The following HBS1L variants were observed in gnomAD, a reference collection of about 807,000 sequenced individuals.
HBS1L encodes the protein HBS1 like translational GTPase, also known as HBS1-like protein.
HBS1L carries 55 observed loss-of-function variants against 88.9 expected under a neutral mutation model. The observed-to-expected ratio is 0.62, with a 90% CI of 0.50 to 0.77. The LOEUF is 0.77. Ranked by LOEUF, HBS1L falls within the 30% of genes least tolerant of loss-of-function variation. The pLI, the probability that HBS1L is intolerant of heterozygous loss-of-function variation, is 0.00. For synonymous variants in HBS1L, 267 were observed against 288.5 expected (o/e 0.93, Z 0.76); for missense variants, 741 against 829.3 (o/e 0.89, Z 1.31).
chr6:135,042,718 C>G (rs906098112), intron 2 of HBS1L, among the ~76,000 whole-genome samples: 2 of 150,916 alleles, frequency 1.3e-5, no homozygotes, highest in African/African-American at 4.9e-5. Context: ...CTGAGGCAGG[C>G]AGGGGAACCG....
intron 4 of HBS1L, among the ~76,000 whole-genome samples, chr6:135,029,720 G>C (rs1341571216): frequency 6.6e-6 from 1 of 151,954 alleles, no homozygotes; most frequent in African/African-American, 2.4e-5. Flanking sequence ...ATAACAACTG[G>C]AACACTTAAA....
chr6:135,035,866 A>C, intron 4 of HBS1L: 1 of 766,726 alleles, frequency 1.3e-6, no homozygotes, highest in Non-Finnish European at 1.6e-6. Flanking sequence ...ACTTGAAAAC[A>C]CTTTTTATAT....
chr6:135,045,039 A>C (rs936048839), intron 2 of HBS1L, among the ~76,000 whole-genome samples: 1 of 151,838 alleles, frequency 6.6e-6, no homozygotes, highest in African/African-American at 2.4e-5. Context: ...TGGAAGTAGT[A>C]ATGGTTGGAT....
intron 4 of HBS1L, among the ~76,000 whole-genome samples, chr6:135,019,818 C>A (rs745832239): frequency 6.6e-6 from 1 of 151,704 alleles, no homozygotes; most frequent in Non-Finnish European, 1.5e-5. Flanking sequence ...AGTAATGGCA[C>A]CAATATCCAG....
At chr6:135,037,028 T>C in intron 4 of HBS1L, 3 of 1,551,610 alleles carry the variant, frequency 1.9e-6, no homozygotes, top group Non-Finnish European at 2.6e-6. Flanking sequence ...TCAGATAAAC[T>C]GACCTCAAAG....
intron 15 of HBS1L, among the ~76,000 whole-genome samples, chr6:134,975,914 C>T (rs1391547661): frequency 6.6e-6 from 1 of 151,982 alleles, no homozygotes; most frequent in Non-Finnish European, 1.5e-5. Context: ...ATAGATAAGA[C>T]CTAATTAAGC....
chr6:135,054,219 T>C (rs1045449444), intron 1 of HBS1L, among the ~76,000 whole-genome samples: 1 of 152,262 alleles, frequency 6.6e-6, no homozygotes. Context: ...ACACGTCCGT[T>C]GAATGTATTA....
At chr6:135,050,471 T>G (rs967049215) in intron 2 of HBS1L, 111 bp downstream of exon 2, 2 of 618,292 alleles carry the variant, frequency 3.2e-6, no homozygotes, top group Non-Finnish European at 5.6e-6. Flanking sequence ...TATAATTAAC[T>G]TTTTAAATGT....
In HBS1L at chr6:134,961,509, G is replaced by C. The variant is rs1354821444; in HGVS notation, c.*3770C>G. On this transcript the variant is annotated 3_prime_UTR_variant, in exon 18 of 18. Transcript: ENST00000367837. ...AAAATGAGATACTGTAATCATGCCT[G>C]AGCACAGATAAAAACAAAGTCACTG... is the stretch of plus-strand genomic sequence containing the variant. The C allele has an allele frequency of 6.6e-6, 1 of 152,134 alleles. No individual in the cohort carries two copies. The highest frequency in any genetic ancestry group is 2.4e-5 in the African/African-American group (1 of 41,430). 9.4% of individuals were successfully genotyped at this position (152,134 alleles called of 1,614,324 possible).
At chr6:135,035,310 C>T (rs531142227) in intron 4 of HBS1L, among the ~76,000 whole-genome samples, 30 of 151,056 alleles carry the variant, frequency 2.0e-4, no homozygotes, top group African/African-American at 7.1e-4. Context: ...ATCAGCTGGG[C>T]GTGGTGACAT....
At position 135,036,354 on chromosome 6, in the gene HBS1L, A is replaced by G. The variant is rs1447004078; in HGVS notation, c.430+3219T>C. ...TGTAAACATATACTCAGTATAGGTT[A>G]CCAACTTAAATAAAGCCAGTTATCA... is the stretch of plus-strand genomic sequence containing the variant. On this transcript the variant is annotated intron_variant, in intron 4 of 17. Transcript: ENST00000367837. 1.1e-5 allele frequency: 14 copies of G among 1,242,534 alleles called. No individual in the cohort carries two copies. In the Admixed American group the frequency reaches 3.9e-4, roughly 35 times the overall value. The allele number at this position is 1,242,534 out of a possible 1,614,324, so 77.0% of individuals were successfully genotyped here.
At chr6:135,011,120 A>T (rs1292311765) in intron 4 of HBS1L, among the ~76,000 whole-genome samples, 2 of 152,212 alleles carry the variant, frequency 1.3e-5, no homozygotes, top group Non-Finnish European at 2.9e-5. Flanking sequence ...AGCATATCAT[A>T]TATAAATTCC....
chr6:135,009,696 T>G (rs1775718470), intron 4 of HBS1L, among the ~76,000 whole-genome samples: 1 of 152,086 alleles, frequency 6.6e-6, no homozygotes, highest in African/African-American at 2.4e-5. Flanking sequence ...TGCAGTGGCG[T>G]GATCTCGGCT....
At chr6:134,975,569 A>G (rs1432774056) in intron 15 of HBS1L, among the ~76,000 whole-genome samples, 1 of 152,212 alleles carries the variant, frequency 6.6e-6, no homozygotes, top group Non-Finnish European at 1.5e-5. Flanking sequence ...TCATAGACCA[A>G]TGCAACAGAA....
At chr6:134,990,261 G>A (rs958983664) in intron 8 of HBS1L, among the ~76,000 whole-genome samples, 2 of 152,018 alleles carry the variant, frequency 1.3e-5, no homozygotes, top group African/African-American at 2.4e-5. Flanking sequence ...TGCCTACTAC[G>A]CATTCTCAAG....
intron 4 of HBS1L, among the ~76,000 whole-genome samples, chr6:135,021,310 T>C (rs1776064336): frequency 6.6e-6 from 1 of 152,094 alleles, no homozygotes; most frequent in African/African-American, 2.4e-5. Flanking sequence ...TACTTTCTCT[T>C]AAATTGGTTC....
At position 134,966,329 on chromosome 6, in the gene HBS1L, C is replaced by T; in HGVS notation, c.2043G>A (p.Glu681=). 3 of 1,605,170 alleles carry T rather than the reference C, an allele frequency of 1.9e-6. No individual in the cohort carries two copies. Among genetic ancestry groups the T allele is most frequent in the Non-Finnish European group, 2.6e-6 (3 of 1,176,362 alleles). Residue 681 remains glutamate, a splice_region_variant and synonymous_variant, in exon 17 of 18, where the codon GAG becomes GAA. Transcript: ENST00000367837. ...AATGAGTCACTTTAAAATAAAATACCTCAGTGACAACACCAGCAGCTATTG... is the reference window on the plus strand; with the variant it reads ...AATGAGTCACTTTAAAATAAAATACTTCAGTGACAACACCAGCAGCTATTG... ...GSTIAAGVVT[E]IKE
At chr6:134,977,311 T>C (rs1304712402) in intron 15 of HBS1L, among the ~76,000 whole-genome samples, 1 of 151,998 alleles carries the variant, frequency 6.6e-6, no homozygotes, top group Non-Finnish European at 1.5e-5. Flanking sequence ...TACCTCTCCA[T>C]TGGCAAATAT....
chr6:135,019,872 AATAAAG>A (rs1287579323), intron 4 of HBS1L, among the ~76,000 whole-genome samples: 3 of 151,950 alleles, frequency 2.0e-5, no homozygotes, highest in Non-Finnish European at 2.9e-5. Context: ...TAAAGCAATT[AATAAAG>A]GAAAAGGAAA....
Sources: allele counts gnomAD v4.1 joint callset (sites outside exome capture counted in the v4.1 genomes callset), GRCh38; gene constraint gnomAD v4.1.1; transcripts MANE v1.5; gene names NCBI Gene and HGNC (gene_info 2026-07-23, HGNC 2026-07-21).